Variants in MYO1D observed in about 807,000 individuals in gnomAD.
The protein encoded by MYO1D is myosin ID, also known as unconventional myosin-Id.
In MYO1D, 83 loss-of-function variants were observed where a neutral mutation model predicts 122.0. The observed-to-expected ratio is 0.68, with a 90% CI of 0.57 to 0.82. The LOEUF is 0.82. Among genes scored for constraint, MYO1D ranks in the 40% least tolerant of loss-of-function variants. The pLI, the probability that MYO1D is intolerant of heterozygous loss-of-function variation, is 0.00. For synonymous variants in MYO1D, 464 were observed against 446.9 expected, an observed-to-expected ratio of 1.04 and a Z score of -0.48; for missense variants, 1,157 against 1,269.5, an observed-to-expected ratio of 0.91 and a Z score of 1.35.
intron 21 of MYO1D, among the ~76,000 whole-genome samples, chr17:32,528,151 G>A (rs886244282): frequency 3.9e-5 from 6 of 152,168 alleles, no homozygotes; most frequent in African/African-American, 1.4e-4. Flanking sequence ...TGATTCTTAT[G>A]GTGGTAAAAT....
chr17:32,773,788 C>T (rs528044796), intron 4 of MYO1D, among the ~76,000 whole-genome samples: 2 of 152,278 alleles, frequency 1.3e-5, no homozygotes, highest in South Asian at 4.1e-4. Flanking sequence ...TTTCTCCATC[C>T]TACAAGGTCT....
At chr17:32,866,780 G>A (rs2091129066) in intron 1 of MYO1D, among the ~76,000 whole-genome samples, 1 of 152,188 alleles carries the variant, frequency 6.6e-6, no homozygotes, top group African/African-American at 2.4e-5. Flanking sequence ...GCCCACGCAT[G>A]CTTAAAGTGA....
chr17:32,815,231 T>G (rs1361970232), intron 1 of MYO1D, among the ~76,000 whole-genome samples: 3 of 152,186 alleles, frequency 2.0e-5, no homozygotes, highest in Non-Finnish European at 4.4e-5. Flanking sequence ...GTTGAAAAAA[T>G]ACTTAATGAA....
chr17:32,800,298 AACAGAG>A (rs2090450061), intron 1 of MYO1D, among the ~76,000 whole-genome samples: 1 of 152,230 alleles, frequency 6.6e-6, no homozygotes, highest in African/African-American at 2.4e-5. Flanking sequence ...AGTTTTCATC[AACAGAG>A]GAATAGATTT....
intron 21 of MYO1D, among the ~76,000 whole-genome samples, chr17:32,569,776 C>T (rs924624144): frequency 2.6e-5 from 4 of 152,156 alleles, no homozygotes; most frequent in African/African-American, 9.7e-5. Context: ...AGCTTTTGAA[C>T]TGTTGCTGAT....
chr17:32,743,594 CATTATT>C (rs746402773), intron 13 of MYO1D, among the ~76,000 whole-genome samples: 2 of 151,368 alleles, frequency 1.3e-5, no homozygotes, highest in African/African-American at 2.4e-5. Context: ...CCTCAGCCTG[CATTATT>C]ATTATTATTA....
intron 21 of MYO1D, chr17:32,496,876 T>G (rs1909135044): frequency 6.6e-6 from 1 of 152,304 alleles, no homozygotes. Flanking sequence ...TCTGAGGGAA[T>G]GGGCTCTAAA....
intron 16 of MYO1D, among the ~76,000 whole-genome samples, chr17:32,705,380 C>T (rs1311762787): frequency 1.3e-5 from 2 of 152,192 alleles, no homozygotes; most frequent in Non-Finnish European, 2.9e-5. Context: ...CTGTCTCAGC[C>T]TCCTGAGTAG....
intron 1 of MYO1D, among the ~76,000 whole-genome samples, chr17:32,870,922 G>A (rs966178886): frequency 1.3e-5 from 2 of 152,212 alleles, no homozygotes; most frequent in African/African-American, 4.8e-5. Context: ...ATCTGCCTTT[G>A]AGGATTCCAT....
intron 1 of MYO1D, among the ~76,000 whole-genome samples, chr17:32,794,018 A>C (rs147118171): frequency 1.3e-5 from 2 of 152,342 alleles, no homozygotes; most frequent in East Asian, 3.9e-4. Context: ...CTTGAGACCC[A>C]TTGTTCAGCA....
chr17:32,664,374 A>C (rs1485762273), intron 16 of MYO1D, among the ~76,000 whole-genome samples: 1 of 152,224 alleles, frequency 6.6e-6, no homozygotes, highest in East Asian at 1.9e-4. Flanking sequence ...GAGTCATACA[A>C]AGCTTACGTT....
At chr17:32,814,261 C>G (rs553899577) in intron 1 of MYO1D, among the ~76,000 whole-genome samples, 2 of 152,192 alleles carry the variant, frequency 1.3e-5, no homozygotes, top group East Asian at 3.9e-4. Context: ...GGAGAATCAC[C>G]TGAACCCGGG....
chr17:32,495,074 G>T (rs753209704), intron 21 of MYO1D, among the ~76,000 whole-genome samples, 159 bp from the exon 22 acceptor site: 4 of 152,228 alleles, frequency 2.6e-5, no homozygotes, highest in Non-Finnish European at 5.9e-5. Context: ...GAGGCAAGGC[G>T]AGTGTGGCAC....
intron 14 of MYO1D, among the ~76,000 whole-genome samples, chr17:32,730,393 C>T (rs1444792510): frequency 6.6e-6 from 1 of 152,160 alleles, no homozygotes; most frequent in Non-Finnish European, 1.5e-5. Flanking sequence ...AGTTCATTTA[C>T]ATGCATCTAC....
chr17:32,623,425 G>A (rs183115998), intron 20 of MYO1D, among the ~76,000 whole-genome samples: 1 of 152,316 alleles, frequency 6.6e-6, no homozygotes, highest in East Asian at 1.9e-4. Context: ...CCAGTGGTAT[G>A]TGTGTGGTAG....
chr17:32,705,584 C>T (rs977834457), intron 16 of MYO1D, among the ~76,000 whole-genome samples: 12 of 152,130 alleles, frequency 7.9e-5, no homozygotes, highest in African/African-American at 2.9e-4. Flanking sequence ...ATTCTTGATA[C>T]TGAGTAGTTA....
intron 1 of MYO1D, among the ~76,000 whole-genome samples, chr17:32,795,001 T>C (rs999620099): frequency 6.6e-6 from 1 of 151,994 alleles, no homozygotes; most frequent in African/African-American, 2.4e-5. Flanking sequence ...AGTAGAGATA[T>C]AATCTATTGG....
At chr17:32,664,171 T>C (rs1311924505) in intron 16 of MYO1D, among the ~76,000 whole-genome samples, 1 of 152,222 alleles carries the variant, frequency 6.6e-6, no homozygotes, top group African/African-American at 2.4e-5. Flanking sequence ...AAATGATTCA[T>C]GCATTTTCCC....
chr17:32,725,448 G>A lies in MYO1D; in HGVS notation c.1747-4259C>T, dbSNP rs570921242. Among the ~76,000 whole-genome samples, 218 of 152,138 alleles carry A rather than the reference G, an allele frequency of 1.4e-3. 3 individuals carry two copies. The highest frequency in any genetic ancestry group is 5.1e-3 in the African/African-American group (212 of 41,482). On this transcript the variant is annotated intron_variant, in intron 14 of 21. Coordinates refer to ENST00000318217, the MANE Select transcript of MYO1D (RefSeq NM_015194.3). ...AGGCAGGAGAATGTCTTGAACCTGG[G>A]AGGCAGAGTTTGCAGTGAGCTGAGA...
Sources: allele counts gnomAD v4.1 joint callset (sites outside exome capture counted in the v4.1 genomes callset), GRCh38; gene constraint gnomAD v4.1.1; transcripts MANE v1.5; gene names NCBI Gene and HGNC (gene_info 2026-07-23, HGNC 2026-07-21).